The following NRXN1 variants were observed in gnomAD, a reference collection of about 807,000 sequenced individuals.
NRXN1 encodes neurexin-1.
NRXN1 carries 39 observed loss-of-function variants against 150.9 expected under a neutral mutation model. The observed-to-expected ratio is 0.26, with a 90% confidence interval of 0.20 to 0.34. The LOEUF is 0.34. Ranked by LOEUF, NRXN1 falls within the 10% of genes least tolerant of loss-of-function variation. NRXN1 has a pLI of 1.00. For missense variants in NRXN1, 1,815 were observed against 1,949.9 expected (o/e 0.93, Z 1.30); for synonymous variants, 924 against 757.0 (o/e 1.22, Z -3.62).
At chr2:50,075,936 T>C (rs1001570955) in intron 19 of NRXN1, among the ~76,000 whole-genome samples, 3 of 152,172 alleles carry the variant, frequency 2.0e-5, no homozygotes, top group African/African-American at 4.8e-5. Flanking sequence ...TGTCTAACTC[T>C]ACACAGTGCC....
intron 18 of NRXN1, among the ~76,000 whole-genome samples, chr2:50,110,679 A>C (rs1702266249): frequency 6.6e-6 from 1 of 152,118 alleles, no homozygotes; most frequent in Non-Finnish European, 1.5e-5. Flanking sequence ...ACATAAATGG[A>C]GGGGCCAATT....
chr2:50,135,862 G>T (rs192476844), intron 18 of NRXN1, among the ~76,000 whole-genome samples: 118 of 152,300 alleles, frequency 7.7e-4, no homozygotes, highest in African/African-American at 2.7e-3. Context: ...TGAGGAAAAA[G>T]AAGTATTCCT....
At chr2:50,538,879 G>C (rs2093328845) in intron 9 of NRXN1, among the ~76,000 whole-genome samples, 1 of 149,060 alleles carries the variant, frequency 6.7e-6, no homozygotes, top group African/African-American at 2.5e-5. Flanking sequence ...TAAGTGTACA[G>C]CCAACAAATA....
In NRXN1 at chr2:50,346,602, C is replaced by T. The variant is rs946025376; in HGVS notation, c.3365-109632G>A. ...CCTCCCTTTTGTCGAGCTCCCATTT[C>T]TCTGAGCCTTAGGAGCCCAGGAGCG... On this transcript the variant is annotated intron_variant, in intron 17 of 22. Transcript: ENST00000401669. The surrounding 1 kb of genome is among the most constrained non-coding windows in gnomAD (Gnocchi z 5.0). 16 of 1,414,064 alleles carry T rather than the reference C, an allele frequency of 1.1e-5. No homozygotes were observed. The highest frequency in any genetic ancestry group is 1.6e-5 in the Non-Finnish European group (16 of 1,006,670). 87.6% of individuals were successfully genotyped at this position (1,414,064 alleles called of 1,614,324 possible). A position where few individuals can be genotyped will look rare whatever the true frequency, so the allele number is the denominator to read the frequency against.
At chr2:50,711,329 CTTTTTTTTTTTT>C (rs765521627) in intron 5 of NRXN1, among the ~76,000 whole-genome samples, 6 of 89,848 alleles carry the variant, frequency 6.7e-5, no homozygotes, top group African/African-American at 1.8e-4. Context: ...AGGTACTGGA[CTTTTTTTTTTTT>C]TTTTTTTTTT....
chr2:49,977,196 A>G (rs1000331689), intron 21 of NRXN1, among the ~76,000 whole-genome samples: 18 of 152,226 alleles, frequency 1.2e-4, no homozygotes, highest in Admixed American at 5.9e-4. Context: ...GTCAAAGATT[A>G]CAATTTGAAT....
intron 21 of NRXN1, among the ~76,000 whole-genome samples, chr2:49,946,968 G>C (rs1673019380): frequency 6.6e-6 from 1 of 152,078 alleles, no homozygotes; most frequent in Non-Finnish European, 1.5e-5. Flanking sequence ...TTTTTAAAAA[G>C]AAAGCTTTAA....
chr2:50,831,181 T>A (rs953806516), intron 5 of NRXN1, among the ~76,000 whole-genome samples: 2 of 152,288 alleles, frequency 1.3e-5, no homozygotes, highest in East Asian at 1.9e-4. Context: ...GTAGAATGGA[T>A]AAAATTCTCA....
intron 17 of NRXN1, among the ~76,000 whole-genome samples, chr2:50,363,478 AAC>A (rs1347849271): frequency 3.9e-5 from 6 of 152,214 alleles, no homozygotes; most frequent in Admixed American, 2.6e-4. Flanking sequence ...GCAGCCAATA[AAC>A]ACATGTAAAA....
At chr2:50,422,393 G>A (rs1356971589) in intron 17 of NRXN1, among the ~76,000 whole-genome samples, 2 of 152,016 alleles carry the variant, frequency 1.3e-5, no homozygotes. Context: ...CCCAGAGAAA[G>A]ACAACCATGA....
chr2:50,944,322 G>A (rs1558465939), intron 2 of NRXN1, among the ~76,000 whole-genome samples: 1 of 151,982 alleles, frequency 6.6e-6, no homozygotes, highest in Non-Finnish European at 1.5e-5. Context: ...GGAAACTCGG[G>A]GTCTCCAACA....
At chr2:50,402,890 T>C (rs1333283530) in intron 17 of NRXN1, among the ~76,000 whole-genome samples, 3 of 152,068 alleles carry the variant, frequency 2.0e-5, no homozygotes, top group Non-Finnish European at 4.4e-5. Context: ...AGAGAGCTGT[T>C]ACAAAAACAT....
At chr2:49,937,578 C>G (rs1024925769) in intron 22 of NRXN1, among the ~76,000 whole-genome samples, 6 of 152,108 alleles carry the variant, frequency 3.9e-5, no homozygotes, top group South Asian at 4.1e-4. Flanking sequence ...CACACTGAAA[C>G]CCAGCTAGCA....
At chr2:49,985,337 G>A (rs1048539832) in intron 21 of NRXN1, among the ~76,000 whole-genome samples, 19 of 152,002 alleles carry the variant, frequency 1.2e-4, no homozygotes, top group African/African-American at 3.9e-4. Context: ...CTCATTCACC[G>A]TGGAAGAAAT....
chr2:50,822,625 T>C (rs1444930114), intron 5 of NRXN1, among the ~76,000 whole-genome samples: 1 of 152,100 alleles, frequency 6.6e-6, no homozygotes, highest in African/African-American at 2.4e-5. Context: ...AAAATGTGAA[T>C]GCTGAGAAAA....
At chr2:50,701,950 T>C (rs1329445635) in intron 5 of NRXN1, among the ~76,000 whole-genome samples, 1 of 152,182 alleles carries the variant, frequency 6.6e-6, no homozygotes, top group Non-Finnish European at 1.5e-5. Flanking sequence ...TTTTCGTATA[T>C]TTGATAAATA....
chr2:50,049,290 T>A (rs1487943355), intron 21 of NRXN1, among the ~76,000 whole-genome samples: 1 of 152,126 alleles, frequency 6.6e-6, no homozygotes, highest in Admixed American at 6.6e-5. Context: ...TATGTTTTGG[T>A]AAATAATCAT....
At position 50,026,589 on chromosome 2, in the gene NRXN1, T is replaced by G. The variant is rs372353402; in HGVS notation, c.4128+26682A>C. 1.8e-4 allele frequency among the ~76,000 whole-genome samples: 27 copies of G among 152,238 alleles called. 1 individual carries two copies. The Middle Eastern group carries it at 0.024, about 134-fold the overall frequency. ...GTTACATCTTAAATAAGTTCTGAGC[T>G]GTTGGGAGAATTACAAAGAACACAC... On this transcript the variant is annotated intron_variant, in intron 21 of 22. Transcript: ENST00000401669.
intron 18 of NRXN1, among the ~76,000 whole-genome samples, chr2:50,108,583 G>A (rs898360227): frequency 4.6e-5 from 7 of 151,912 alleles, no homozygotes; most frequent in African/African-American, 1.7e-4. Flanking sequence ...TAGGACAAAT[G>A]AGAAAAAAGC....
Sources: allele counts gnomAD v4.1 joint callset (sites outside exome capture counted in the v4.1 genomes callset), GRCh38; gene constraint gnomAD v4.1.1; non-coding constraint Gnocchi (gnomAD v3.1); transcripts MANE v1.5; gene names NCBI Gene and HGNC (gene_info 2026-07-23, HGNC 2026-07-21).